Variants in PARD3 observed in about 807,000 individuals in gnomAD.
PARD3 encodes the protein par-3 family cell polarity regulator, also known as partitioning defective 3 homolog.
Under a neutral mutation model 155.4 loss-of-function variants are expected in PARD3, and 75 were observed. The observed-to-expected ratio is 0.48, with a 90% CI of 0.40 to 0.58. The LOEUF (loss-of-function observed/expected upper bound fraction) is 0.58. Among genes scored for constraint, PARD3 ranks in the 20% least tolerant of loss-of-function variants. The pLI is 0.00. For missense variants in PARD3, 1,642 were observed against 1,721.7 expected (o/e 0.95, Z 0.82); for synonymous variants, 576 against 610.5 (o/e 0.94, Z 0.83).
chr10:34,517,542 G>C (rs948644062), intron 2 of PARD3, among the ~76,000 whole-genome samples: 2 of 151,938 alleles, frequency 1.3e-5, no homozygotes, highest in African/African-American at 4.8e-5. Flanking sequence ...ATACACACAT[G>C]GTATGAACTA....
intron 23 of PARD3, among the ~76,000 whole-genome samples, chr10:34,120,939 TCCCAGCTA>T (rs1946962741): frequency 6.6e-6 from 1 of 152,090 alleles, no homozygotes; most frequent in Non-Finnish European, 1.5e-5. Context: ...ATGTCTGTGA[TCCCAGCTA>T]CTTGGGAAGC....
chr10:34,150,351 A>G (rs183107516), intron 22 of PARD3, among the ~76,000 whole-genome samples: 216 of 152,332 alleles, frequency 1.4e-3, no homozygotes, highest in Middle Eastern at 6.8e-3. Context: ...CGACATATAC[A>G]CAAGTGTAAT....
rs1490694045 is a variant in PARD3 at position 34,348,326 on chromosome 10, T to G, written c.2068-211A>C. On this transcript the variant is annotated intron_variant, in intron 14 of 24. Coordinates refer to ENST00000374788, the MANE Select transcript of PARD3 (RefSeq NM_001184785.2). ...ACTTTATACCATGCCTCCCATGAAG[T>G]TCTGTCAGATTTCAACCGCTGGAGG... 2.0e-5 allele frequency among the ~76,000 whole-genome samples: 3 copies of G among 152,228 alleles called. No homozygotes were observed. The East Asian group carries it at 5.8e-4, about 29-fold the overall frequency.
At chr10:34,312,143 G>A (rs879405232) in intron 20 of PARD3, 30 of 807,522 alleles carry the variant, frequency 3.7e-5, no homozygotes, top group South Asian at 5.8e-5. Flanking sequence ...CTTTTCAAGC[G>A]TAATTTAAAC....
chr10:34,228,196 G>C (rs535765672), intron 22 of PARD3, among the ~76,000 whole-genome samples: 2 of 151,932 alleles, frequency 1.3e-5, no homozygotes, highest in South Asian at 4.2e-4. Flanking sequence ...AATTATAAGT[G>C]GGAGCTAAAC....
chr10:34,298,384 G>C (rs1957006191), intron 20 of PARD3, among the ~76,000 whole-genome samples: 1 of 152,110 alleles, frequency 6.6e-6, no homozygotes, highest in African/African-American at 2.4e-5. Context: ...ACAAAATGAC[G>C]TATATACATA....
chr10:34,416,949 G>A (rs139581534), intron 5 of PARD3, among the ~76,000 whole-genome samples: 1 of 152,170 alleles, frequency 6.6e-6, no homozygotes, highest in Non-Finnish European at 1.5e-5. Flanking sequence ...CTAACTTTGG[G>A]AGGAATTTAG....
intron 22 of PARD3, among the ~76,000 whole-genome samples, chr10:34,266,133 G>A (rs1306115800): frequency 6.6e-6 from 1 of 152,016 alleles, no homozygotes; most frequent in Non-Finnish European, 1.5e-5. Flanking sequence ...GTCAACAGAA[G>A]GAGTTTAGTC....
At chr10:34,435,825 T>C (rs558920096) in intron 5 of PARD3, among the ~76,000 whole-genome samples, 2 of 152,320 alleles carry the variant, frequency 1.3e-5, no homozygotes, top group Non-Finnish European at 1.5e-5. Context: ...TTGATTCTGT[T>C]CAGACAGAAT....
intron 2 of PARD3, among the ~76,000 whole-genome samples, chr10:34,621,202 T>G (rs779948337): frequency 3.5e-4 from 54 of 152,190 alleles, no homozygotes; most frequent in African/African-American, 6.5e-4. Context: ...TTTGTTTTTT[T>G]GGGGGTTTTT....
chr10:34,279,141 CTTTTTTTT>C (rs143467605), intron 21 of PARD3, among the ~76,000 whole-genome samples: 5 of 102,052 alleles, frequency 4.9e-5, no homozygotes, highest in Non-Finnish European at 9.1e-5. Flanking sequence ...ATATTTTTTC[CTTTTTTTT>C]TTTTTTTTTT....
At chr10:34,129,605 TA>T (rs1947479882) in intron 23 of PARD3, among the ~76,000 whole-genome samples, 1 of 151,564 alleles carries the variant, frequency 6.6e-6, no homozygotes, top group Non-Finnish European at 1.5e-5. Flanking sequence ...TTTCTACCTT[TA>T]ATCTCCCCTT....
intron 2 of PARD3, among the ~76,000 whole-genome samples, chr10:34,569,493 C>T (rs575005750): frequency 1.4e-4 from 22 of 152,270 alleles, no homozygotes; most frequent in Middle Eastern, 3.4e-3. Flanking sequence ...TCTCGGCTCA[C>T]TGCAAGCTCT....
chr10:34,632,944 G>A (rs2092330305), intron 2 of PARD3, among the ~76,000 whole-genome samples: 1 of 152,218 alleles, frequency 6.6e-6, no homozygotes, highest in African/African-American at 2.4e-5. Flanking sequence ...CTGCGCAGAG[G>A]CTAAGAAGGG....
At chr10:34,478,535 GA>G (rs1242487385) in intron 3 of PARD3, among the ~76,000 whole-genome samples, 4 of 152,118 alleles carry the variant, frequency 2.6e-5, no homozygotes, top group Non-Finnish European at 5.9e-5. Context: ...AAGTCAAGGG[GA>G]AAAAAACATA....
chr10:34,343,997 A>G (rs542040895), intron 15 of PARD3: 40 of 981,754 alleles, frequency 4.1e-5, no homozygotes, highest in Middle Eastern at 1.0e-3. Flanking sequence ...TCATTTTTCT[A>G]TGTCAAATTG....
rs201653136 is a variant in PARD3 at position 34,261,833 on chromosome 10, C to G, written c.3419+7824G>C. ...AGAAAGAAAGAAAGAAAGAAACAAA[C>G]AAACAAACAAACACACACACACTGG... On this transcript the variant is annotated intron_variant, in intron 22 of 24. Coordinates refer to ENST00000374788, the MANE Select transcript of PARD3 (RefSeq NM_001184785.2). Among the ~76,000 whole-genome samples, 384 of 128,526 alleles carry G rather than the reference C, an allele frequency of 3.0e-3. 7 individuals are homozygous for G. Among genetic ancestry groups the G allele is most frequent in the Admixed American group, 3.3e-3 (44 of 13,160 alleles). The allele number at this position is 128,526 out of a possible 152,430, so 84.3% of individuals were successfully genotyped here.
chr10:34,568,564 T>C (rs972550215), intron 2 of PARD3, among the ~76,000 whole-genome samples: 1 of 152,210 alleles, frequency 6.6e-6, no homozygotes, highest in African/African-American at 2.4e-5. Flanking sequence ...AGAGATTATA[T>C]TCATTTTCAT....
intron 24 of PARD3, among the ~76,000 whole-genome samples, chr10:34,116,794 G>A (rs577802342): frequency 6.6e-6 from 1 of 152,302 alleles, no homozygotes; most frequent in South Asian, 2.1e-4. Flanking sequence ...AACCCAGAGG[G>A]AAAGCTGTAG....
Sources: allele counts gnomAD v4.1 joint callset (sites outside exome capture counted in the v4.1 genomes callset), GRCh38; gene constraint gnomAD v4.1.1; transcripts MANE v1.5; gene names NCBI Gene and HGNC (gene_info 2026-07-23, HGNC 2026-07-21).